Variants in RAD51B observed in about 807,000 individuals in gnomAD.
RAD51B encodes RAD51 paralog B.
RAD51B carries 38 observed loss-of-function variants against 42.2 expected under a neutral mutation model. The observed-to-expected ratio is 0.90, with a 90% CI of 0.70 to 1.18. RAD51B has a LOEUF of 1.18. RAD51B is among the 50% of genes most tolerant of loss of function. RAD51B has a pLI of 0.00. For synonymous variants in RAD51B, 154 were observed against 145.2 expected (o/e 1.06, Z -0.43); for missense variants, 373 against 400.7 (o/e 0.93, Z 0.59).
At chr14:68,595,538 C>T (rs1890956125) in exon 11 of RAD51B, 1 of 1,066,564 alleles carries the variant, frequency 9.4e-7, no homozygotes, top group East Asian at 5.0e-5. Flanking sequence ...CTGTCTGGCC[C>T]ATCAAATGAC....
At chr14:68,232,550 C>A (rs2080169304) in intron 7 of RAD51B, among the ~76,000 whole-genome samples, 1 of 152,116 alleles carries the variant, frequency 6.6e-6, no homozygotes, top group Non-Finnish European at 1.5e-5. Flanking sequence ...AGAATGATAT[C>A]CATTGGGAGG....
intron 10 of RAD51B, among the ~76,000 whole-genome samples, chr14:68,604,114 A>C (rs975779876): frequency 8.5e-5 from 13 of 152,244 alleles, no homozygotes; most frequent in African/African-American, 3.1e-4. Flanking sequence ...GAGCCTGAGA[A>C]GCGCAGACGT....
At chr14:68,092,611 G>T (rs1237412415) in intron 7 of RAD51B, among the ~76,000 whole-genome samples, 2 of 152,074 alleles carry the variant, frequency 1.3e-5, no homozygotes, top group Non-Finnish European at 2.9e-5. Context: ...TGCGACGATG[G>T]GGTTTTCTAG....
intron 8 of RAD51B, among the ~76,000 whole-genome samples, chr14:68,384,365 C>A (rs995271043): frequency 6.6e-6 from 1 of 152,134 alleles, no homozygotes; most frequent in African/African-American, 2.4e-5. Context: ...GCAGGATTTC[C>A]CACAATGGCT....
intron 10 of RAD51B, among the ~76,000 whole-genome samples, chr14:68,490,205 A>G (rs1485965117): frequency 6.6e-6 from 1 of 152,222 alleles, no homozygotes; most frequent in Non-Finnish European, 1.5e-5. Flanking sequence ...AACAGAAATG[A>G]TTTTATTATT....
At chr14:68,613,418 C>CAAAAA (rs112036417), downstream of RAD51B, among the ~76,000 whole-genome samples, 1 of 138,538 alleles carries the variant, frequency 7.2e-6, no homozygotes. Flanking sequence ...AACTCTGTCT[C>CAAAAA]AAAAAAAAAA....
chr14:67,911,270 G>C (rs2043970317), intron 7 of RAD51B, among the ~76,000 whole-genome samples: 1 of 152,184 alleles, frequency 6.6e-6, no homozygotes, highest in Non-Finnish European at 1.5e-5. Context: ...GCATGGACTG[G>C]CAGCATTAGC....
At chr14:68,673,619 A>G (rs1893222310) in intron 11 of RAD51B, among the ~76,000 whole-genome samples, 1 of 151,826 alleles carries the variant, frequency 6.6e-6, no homozygotes, top group Non-Finnish European at 1.5e-5. Flanking sequence ...ACACACGTAC[A>G]CATACTGTGC....
Position 68,034,549 on chromosome 14 carries a change from G to A in RAD51B, c.756+147345G>A, listed in dbSNP as rs114182025. ...CTCCCAAAGTACAAGTATTGCAAAT[G>A]TGAGCCATTGTGCCCAGCCTATTTG... On this transcript the variant is annotated intron_variant, in intron 7 of 10. Transcript: ENST00000471583. Among the ~76,000 whole-genome samples, 1,054 of 152,270 alleles carry A rather than the reference G, an allele frequency of 6.9e-3. 12 individuals are homozygous for A. The highest frequency in any genetic ancestry group is 0.024 in the African/African-American group (988 of 41,542).
At chr14:68,046,249 A>T (rs1011851760) in intron 7 of RAD51B, among the ~76,000 whole-genome samples, 1 of 152,082 alleles carries the variant, frequency 6.6e-6, no homozygotes, top group Admixed American at 6.5e-5. Context: ...TCAGCCTCCC[A>T]AGTAGCTGGG....
intron 10 of RAD51B, among the ~76,000 whole-genome samples, chr14:68,640,477 T>A (rs1208354483): frequency 2.0e-5 from 3 of 152,146 alleles, no homozygotes; most frequent in Non-Finnish European, 4.4e-5. Context: ...TAAGAAACAT[T>A]TATTGTATAT....
At chr14:68,351,466 C>G (rs1227333327) in intron 8 of RAD51B, among the ~76,000 whole-genome samples, 1 of 152,084 alleles carries the variant, frequency 6.6e-6, no homozygotes, top group African/African-American at 2.4e-5. Flanking sequence ...CCACACAAAG[C>G]TTACAGTCTA....
intron 10 of RAD51B, among the ~76,000 whole-genome samples, chr14:68,601,246 G>C (rs1284377779): frequency 6.6e-6 from 1 of 151,960 alleles, no homozygotes; most frequent in Non-Finnish European, 1.5e-5. Flanking sequence ...TTTGGTGGGG[G>C]GGTGGGTCCT....
At chr14:68,381,312 CTTCACT>C (rs2083472762) in intron 8 of RAD51B, among the ~76,000 whole-genome samples, 1 of 152,126 alleles carries the variant, frequency 6.6e-6, no homozygotes. Flanking sequence ...CTTATGTGAG[CTTCACT>C]TAAAGCAATA....
intron 10 of RAD51B, among the ~76,000 whole-genome samples, chr14:68,571,794 G>A (rs1889716251): frequency 1.6e-5 from 1 of 61,110 alleles, no homozygotes; most frequent in South Asian, 8.4e-4. Flanking sequence ...GGTGTTGGAT[G>A]GCTGTTTTTT....
At chr14:68,252,793 G>C (rs1205456491) in intron 7 of RAD51B, among the ~76,000 whole-genome samples, 1 of 151,922 alleles carries the variant, frequency 6.6e-6, no homozygotes, top group Non-Finnish European at 1.5e-5. Context: ...CTTAAAAAAG[G>C]AATGTAGCCA....
At chr14:68,154,501 G>C (rs1825391411) in intron 7 of RAD51B, among the ~76,000 whole-genome samples, 1 of 152,110 alleles carries the variant, frequency 6.6e-6, no homozygotes, top group African/African-American at 2.4e-5. Flanking sequence ...GCACTAATCA[G>C]TACTCTGATG....
At chr14:68,564,456 G>A (rs1413467616) in intron 10 of RAD51B, among the ~76,000 whole-genome samples, 1 of 152,174 alleles carries the variant, frequency 6.6e-6, no homozygotes, top group Non-Finnish European at 1.5e-5. Context: ...TCCCAGCAGG[G>A]GACGGGCTTG....
intron 7 of RAD51B, among the ~76,000 whole-genome samples, chr14:67,890,742 C>T (rs975121284): frequency 6.6e-6 from 1 of 151,558 alleles, no homozygotes; most frequent in Non-Finnish European, 1.5e-5. Flanking sequence ...AATGAAAGTA[C>T]AATTAAGGTT....
Sources: gnomAD v4.1 joint callset for allele counts (sites outside exome capture counted in the v4.1 genomes callset) on GRCh38, gnomAD v4.1.1 for gene constraint, MANE v1.5 for transcripts, NCBI Gene and HGNC (gene_info 2026-07-23, HGNC 2026-07-21) for gene names.